Variants in LRFN2 observed in about 807,000 individuals in gnomAD.
The protein encoded by LRFN2 is leucine-rich repeat and fibronectin type-III domain-containing protein 2.
Under a neutral mutation model 37.3 loss-of-function variants are expected in LRFN2, and 18 were observed. That is an observed-to-expected ratio of 0.48 (90% CI 0.33 to 0.72). The LOEUF (loss-of-function observed/expected upper bound fraction) is 0.72. Ranked by LOEUF, LRFN2 falls within the 30% of genes least tolerant of loss-of-function variation. The probability of loss-of-function intolerance (pLI) is 0.02; values close to 1 mark genes in which losing one functional copy is unlikely to be tolerated. For synonymous variants in LRFN2, 556 were observed against 466.6 expected, an observed-to-expected ratio of 1.19 and a Z score of -2.47; for missense variants, 1,006 against 1,060.7, an observed-to-expected ratio of 0.95 and a Z score of 0.72.
Position 40,432,085 on chromosome 6 carries a change from G to A in LRFN2, c.1029C>T (p.Thr343=). Residue 343 remains threonine (T), a synonymous_variant, in exon 2 of 3, where the codon ACC becomes ACT. Coordinates refer to ENST00000338305, the MANE Select transcript of LRFN2 (RefSeq NM_020737.3). ...GAGATGTGGTGATGAAGATGTCCAGGGTGCCATTGTCATAGACAGCGGTCC... is the reference window on the plus strand; with the variant it reads ...GAGATGTGGTGATGAAGATGTCCAGAGTGCCATTGTCATAGACAGCGGTCC... ...SSRTAVYDNG[T]LDIFITTSQD... is the part of the protein sequence containing the mutation. The A allele has an allele frequency of 6.2e-7, 1 of 1,614,072 alleles. No homozygotes were observed. The highest frequency in any genetic ancestry group is 8.5e-7 in the Non-Finnish European group (1 of 1,180,018).
intron 1 of LRFN2, among the ~76,000 whole-genome samples, chr6:40,452,592 C>T (rs1240804271): frequency 6.6e-6 from 1 of 152,186 alleles, no homozygotes; most frequent in Non-Finnish European, 1.5e-5. Context: ...GCCAGAACAA[C>T]TGAGGGATTT....
At chr6:40,493,663 T>C (rs975194532) in intron 1 of LRFN2, among the ~76,000 whole-genome samples, 4 of 152,000 alleles carry the variant, frequency 2.6e-5, no homozygotes, top group Admixed American at 1.3e-4. Flanking sequence ...TCTCTTGGAG[T>C]CTGGTTTCTG....
At chr6:40,570,153 G>A (rs1343026790) in intron 1 of LRFN2, among the ~76,000 whole-genome samples, 3 of 152,146 alleles carry the variant, frequency 2.0e-5, no homozygotes, top group Non-Finnish European at 4.4e-5. Flanking sequence ...AGGGCTAAGA[G>A]TCACCATTCT....
In LRFN2 at chr6:40,392,526, G is replaced by C. The variant is rs200804161; in HGVS notation, c.1787C>G (p.Pro596Arg). The C allele has an allele frequency of 1.9e-6, 3 of 1,588,400 alleles. 1 individual carries two copies. Among genetic ancestry groups the C allele is most frequent in the Non-Finnish European group, 8.5e-7 (1 of 1,170,408 alleles). Residue 596 changes from proline to arginine, a missense_variant, in exon 3 of 3, where the codon CCG becomes CGG. By Grantham distance (103) the Pro-to-Arg change is moderately radical. Transcript: ENST00000338305. This position sits in a 1 kb window ranked among gnomAD's most constrained non-coding sequence, Gnocchi z 4.7. ...PPSSAPAGAP[P>R]QGPPKVVVRN... ...CACCACCACCTTCGGCGGGCCCTGC[G>C]GCGGGGCCCCGGCTGGTGCGCTGCT...
At chr6:40,471,014 G>T (rs951653809) in intron 1 of LRFN2, among the ~76,000 whole-genome samples, 2 of 152,200 alleles carry the variant, frequency 1.3e-5, no homozygotes, top group Non-Finnish European at 2.9e-5. Flanking sequence ...AAGGATGTTG[G>T]TACATCGGGG....
At chr6:40,506,286 C>G (rs998894329) in intron 1 of LRFN2, among the ~76,000 whole-genome samples, 2 of 152,206 alleles carry the variant, frequency 1.3e-5, no homozygotes, top group African/African-American at 4.8e-5. Context: ...GAATAAAAAC[C>G]ATCCGGGTGG....
intron 1 of LRFN2, among the ~76,000 whole-genome samples, chr6:40,479,254 C>T (rs1764772915): frequency 6.6e-6 from 1 of 152,206 alleles, no homozygotes. Context: ...GATGTCTCTC[C>T]CAACCTCTTG....
At chr6:40,397,127 C>T (rs1161284053) in intron 2 of LRFN2, among the ~76,000 whole-genome samples, 1 of 152,206 alleles carries the variant, frequency 6.6e-6, no homozygotes, top group African/African-American at 2.4e-5. Flanking sequence ...GTGAAATGGG[C>T]ACTCTAGTGA....
intron 2 of LRFN2, among the ~76,000 whole-genome samples, chr6:40,398,445 G>A (rs1482959985): frequency 6.6e-6 from 1 of 151,798 alleles, no homozygotes; most frequent in Admixed American, 6.6e-5. Flanking sequence ...GAACCAAACC[G>A]AAAGCCAGAG....
At chr6:40,457,400 A>G in intron 1 of LRFN2, among the ~76,000 whole-genome samples, 1 of 151,982 alleles carries the variant, frequency 6.6e-6, no homozygotes, top group African/African-American at 2.4e-5. Context: ...TGTTAGTCAC[A>G]TGTATAAATA....
chr6:40,566,212 G>A (rs868482436), intron 1 of LRFN2, among the ~76,000 whole-genome samples: 6 of 152,114 alleles, frequency 3.9e-5, no homozygotes, highest in East Asian at 1.9e-4. Context: ...TTAGAATGGC[G>A]ACCATTAAAA....
intron 1 of LRFN2, among the ~76,000 whole-genome samples, chr6:40,555,031 T>C (rs1766842844): frequency 6.6e-6 from 1 of 152,264 alleles, no homozygotes; most frequent in African/African-American, 2.4e-5. Flanking sequence ...AACATAACTC[T>C]GTCCTCTTTA....
At chr6:40,445,982 G>T (rs903702457) in intron 1 of LRFN2, among the ~76,000 whole-genome samples, 4 of 152,220 alleles carry the variant, frequency 2.6e-5, no homozygotes, top group Admixed American at 6.5e-5. Context: ...CTTATTAAGT[G>T]CACTCTCTTT....
At chr6:40,520,767 C>T (rs940189834) in intron 1 of LRFN2, among the ~76,000 whole-genome samples, 20 of 152,082 alleles carry the variant, frequency 1.3e-4, no homozygotes, top group African/African-American at 4.8e-4. Context: ...CCCCCTCTGC[C>T]CAGGCCTGGC....
At chr6:40,576,310 T>C (rs1767276090) in intron 1 of LRFN2, among the ~76,000 whole-genome samples, 1 of 134,360 alleles carries the variant, frequency 7.4e-6, no homozygotes, top group Admixed American at 7.5e-5. Flanking sequence ...AAAACTGAAT[T>C]GGAGAGAGAC....
At chr6:40,421,060 C>T (rs1046541972) in intron 2 of LRFN2, among the ~76,000 whole-genome samples, 9 of 152,198 alleles carry the variant, frequency 5.9e-5, no homozygotes, top group South Asian at 2.1e-4. Context: ...CCAGGGTTGG[C>T]GACTCCTCTG....
intron 2 of LRFN2, among the ~76,000 whole-genome samples, chr6:40,399,438 C>CT (rs71543989): frequency 0.38 from 41,497 of 108,780 alleles, 8,261 homozygotes; most frequent in Middle Eastern, 0.54. Context: ...TTTTTTTTTT[C>CT]TTTTTTTTTT....
At chr6:40,580,143 T>C (rs1767370323) in intron 1 of LRFN2, among the ~76,000 whole-genome samples, 1 of 152,188 alleles carries the variant, frequency 6.6e-6, no homozygotes, top group Admixed American at 6.5e-5. Context: ...AAGGCTTATT[T>C]ACCTCGACCC....
At chr6:40,436,928 C>G (rs763376528) in intron 1 of LRFN2, among the ~76,000 whole-genome samples, 1 of 152,118 alleles carries the variant, frequency 6.6e-6, no homozygotes, top group Non-Finnish European at 1.5e-5. Flanking sequence ...TCTATACCCA[C>G]GAGAGCACAT....
Sources: gnomAD v4.1 joint callset for allele counts (sites outside exome capture counted in the v4.1 genomes callset) on GRCh38, gnomAD v4.1.1 for gene constraint, Gnocchi (gnomAD v3.1) non-coding constraint, MANE v1.5 for transcripts, NCBI Gene and HGNC (gene_info 2026-07-23, HGNC 2026-07-21) for gene names.